Variants in AACS observed in about 807,000 individuals in gnomAD.
The protein encoded by AACS is acetoacetate-CoA ligase.
A neutral mutation model predicts 83.1 loss-of-function variants in AACS; 69 were observed. That is an observed-to-expected ratio of 0.83 (90% CI 0.68 to 1.01). The LOEUF is 1.01. Ranked by LOEUF, AACS falls within the 50% of genes least tolerant of loss-of-function variation. AACS has a pLI of 0.00. For missense variants in AACS, 866 were observed against 882.2 expected, an observed-to-expected ratio of 0.98 and a Z score of 0.23; for synonymous variants, 333 against 343.4, an observed-to-expected ratio of 0.97 and a Z score of 0.33.
At chr12:125,081,156 T>C (rs776046324) in intron 3 of AACS, among the ~76,000 whole-genome samples, 1 of 151,934 alleles carries the variant, frequency 6.6e-6, no homozygotes, top group Non-Finnish European at 1.5e-5. Context: ...CCACACTGGC[T>C]AATTTTTGTA....
rs1252793019 is a variant in AACS, at chr12:125,117,413, C to CAA, written c.997-1215_997-1214dup. ...TAGGTGACACAGTGAGACTCCGTCT[C>CAA]AAAAAAAAAAAAAATGTTTCTCCAT... On this transcript the variant is annotated intron_variant, in intron 9 of 17. Transcript: ENST00000316519. Among the ~76,000 whole-genome samples, 707 of 138,070 alleles carry CAA rather than the reference C, an allele frequency of 5.1e-3. 4 individuals are homozygous for CAA. Among genetic ancestry groups the CAA allele is most frequent in the Admixed American group, 0.013 (180 of 13,708 alleles). 90.6% of individuals were successfully genotyped at this position (138,070 alleles called of 152,430 possible).
intron 16 of AACS, 85 bp from the exon 17 acceptor site, chr12:125,136,577 C>T (rs1017772004): frequency 8.4e-7 from 1 of 1,186,746 alleles, no homozygotes; most frequent in Non-Finnish European, 1.2e-6. Context: ...CAGCCTGCCC[C>T]TCCTGCTCTG....
At chr12:125,090,871 C>T (rs573724975) in intron 4 of AACS, 1 of 164,748 alleles carries the variant, frequency 6.1e-6, no homozygotes, top group Non-Finnish European at 1.3e-5. Flanking sequence ...CGGCCAGTTA[C>T]ACAGGTGATT....
chr12:125,129,287 G>A lies in AACS; in HGVS notation c.1424-48G>A, dbSNP rs745965532. The stretch of plus-strand genomic sequence containing the variant: ...AGAAAGAGAGAGAGACAGCCAGGGT[G>A]TGTGGCTGTGGTGTGTGTTGGGCTT... On this transcript the variant is annotated intron_variant, in intron 13 of 17. Transcript: ENST00000316519. This position sits in a 1 kb window ranked among gnomAD's most constrained non-coding sequence, Gnocchi z 4.3. 13 of 1,574,532 alleles carry A rather than the reference G, an allele frequency of 8.3e-6. No individual in the cohort carries two copies. The highest frequency in any genetic ancestry group is 2.2e-4 in the Middle Eastern group (1 of 4,560).
chr12:125,127,938 C>T (rs1957271656), intron 12 of AACS: 3 of 384,288 alleles, frequency 7.8e-6, no homozygotes, highest in South Asian at 6.7e-5. Context: ...CAGGAAGGCT[C>T]GGCTAAAACG....
intron 3 of AACS, among the ~76,000 whole-genome samples, chr12:125,080,336 CA>C (rs1247725838): frequency 2.6e-5 from 4 of 152,074 alleles, no homozygotes; most frequent in African/African-American, 9.7e-5. Context: ...AAAAAAAACC[CA>C]AAAACCCAAA....
chr12:125,078,206 GT>G, intron 3 of AACS: 1 of 456,308 alleles, frequency 2.2e-6, no homozygotes, highest in South Asian at 1.5e-5. Context: ...CCCCTGTGCA[GT>G]TGGTAAAGAT....
intron 3 of AACS, among the ~76,000 whole-genome samples, chr12:125,080,847 A>T (rs1165652599): frequency 1.3e-5 from 2 of 151,452 alleles, no homozygotes; most frequent in Non-Finnish European, 2.9e-5. Flanking sequence ...GCCCGCCACC[A>T]CGCCTGGCTA....
At chr12:125,126,758 T>G (rs931695018) in intron 12 of AACS, 3 of 152,078 alleles carry the variant, frequency 2.0e-5, no homozygotes, top group African/African-American at 4.8e-5. Context: ...TGTTTTTTTA[T>G]TTTTTGTAGA....
intron 8 of AACS, among the ~76,000 whole-genome samples, chr12:125,111,976 TC>T (rs1956962771): frequency 6.6e-6 from 1 of 152,222 alleles, no homozygotes; most frequent in Non-Finnish European, 1.5e-5. Context: ...GAAGGTGGGC[TC>T]CTATCTCTGC....
chr12:125,107,521 G>A (rs757127080), intron 8 of AACS, among the ~76,000 whole-genome samples: 8 of 152,242 alleles, frequency 5.3e-5, no homozygotes, highest in South Asian at 4.1e-4. Context: ...ACTGTACAGC[G>A]CGGTGTGCCT....
intron 3 of AACS, among the ~76,000 whole-genome samples, chr12:125,085,612 A>G (rs995945021): frequency 2.0e-5 from 3 of 152,228 alleles, no homozygotes; most frequent in Admixed American, 1.3e-4. Flanking sequence ...ACACACATGC[A>G]TGTTGCATCC....
chr12:125,119,443 A>G (rs901111599), intron 10 of AACS, among the ~76,000 whole-genome samples: 4 of 152,238 alleles, frequency 2.6e-5, no homozygotes, highest in Non-Finnish European at 5.9e-5. Context: ...AATGTCTAAC[A>G]GTGGGTAATT....
intron 3 of AACS, chr12:125,078,005 C>T (rs1439572320): frequency 4.6e-5 from 18 of 394,718 alleles, no homozygotes; most frequent in East Asian, 7.2e-5. Flanking sequence ...CCACCATGCC[C>T]GGCCCCAGTT....
rs565613188 is a variant in AACS, at chr12:125,118,666, T to C, written c.1022T>C (p.Met341Thr). Residue 341 changes from methionine (M) to threonine (T), a missense_variant, in exon 10 of 18, where the codon ATG becomes ACG. By Grantham distance (81) the Met-to-Thr change is moderately conservative. Transcript: ENST00000316519. ...GTCGGCTGGATGATGTGGAACTGGA[T>C]GGTGTCCCTTCTGGCCACAGGAGCG... Reference protein sequence around the residue: ...TTVGWMMWNWMVSLLATGAAM... With the variant: ...TTVGWMMWNWTVSLLATGAAM... The C allele has an allele frequency of 6.2e-7, 1 of 1,614,182 alleles. No individual in the cohort carries two copies. Among genetic ancestry groups the C allele is most frequent in the Admixed American group, 1.7e-5 (1 of 60,010 alleles).
In AACS at chr12:125,107,995, A is replaced by G. The variant is rs571365729; in HGVS notation, c.915+727A>G. Among the ~76,000 whole-genome samples the G allele has an allele frequency of 3.3e-5, 5 of 152,278 alleles. No individual in the cohort carries two copies. In the South Asian group the frequency reaches 1.0e-3, roughly 32 times the overall value. ...AAATAAAATAAAATATTAGCACAGA[A>G]TAGGCTCATAAGAGGTATGGGTGGT... On this transcript the variant is annotated intron_variant, in intron 8 of 17. Transcript: ENST00000316519.
chr12:125,083,554 T>A (rs570316313), intron 3 of AACS, among the ~76,000 whole-genome samples: 58 of 152,276 alleles, frequency 3.8e-4, no homozygotes, highest in African/African-American at 1.0e-3. Flanking sequence ...GTTTTTTTTT[T>A]AATTTTTTTC....
chr12:125,084,399 CCTTTCCTTT>C (rs1372713823), intron 3 of AACS, among the ~76,000 whole-genome samples: 2 of 151,122 alleles, frequency 1.3e-5, no homozygotes, highest in African/African-American at 2.4e-5. Flanking sequence ...TTCCTTCTTT[CCTTTCCTTT>C]CTTTCCTTTC....
intron 5 of AACS, chr12:125,092,787 C>T (rs117022635): frequency 9.0e-4 from 138 of 152,790 alleles, no homozygotes; most frequent in East Asian, 3.1e-3. Context: ...GCTGCCTGGG[C>T]TGCTGGGGCC....
Sources: allele counts gnomAD v4.1 joint callset (sites outside exome capture counted in the v4.1 genomes callset), GRCh38; gene constraint gnomAD v4.1.1; non-coding constraint Gnocchi (gnomAD v3.1); transcripts MANE v1.5; gene names NCBI Gene and HGNC (gene_info 2026-07-23, HGNC 2026-07-21).